Variants in SHANK2 observed in about 807,000 individuals in gnomAD.
SHANK2 encodes the protein SH3 and multiple ankyrin repeat domains 2, also known as SH3 and multiple ankyrin repeat domains protein 2.
SHANK2 carries 43 observed loss-of-function variants against 133.7 expected under a neutral mutation model. The ratio of observed to expected loss-of-function variants is 0.32; its 90% CI spans 0.25 to 0.41. SHANK2 has a LOEUF of 0.41. Ranked by LOEUF, SHANK2 falls within the 10% of genes least tolerant of loss-of-function variation. The probability of loss-of-function intolerance (pLI) is 1.00; values close to 1 mark genes in which losing one functional copy is unlikely to be tolerated. For missense variants in SHANK2, 1,994 were observed against 2,235.8 expected (o/e 0.89, Z 2.18); for synonymous variants, 1,017 against 952.8 (o/e 1.07, Z -1.24).
At chr11:70,587,175 C>T (rs542147842) in intron 17 of SHANK2, among the ~76,000 whole-genome samples, 91 of 152,316 alleles carry the variant, frequency 6.0e-4, no homozygotes, top group African/African-American at 1.3e-3. Flanking sequence ...CAGAGTTCCA[C>T]GGCGAGCTGG....
intron 14 of SHANK2, among the ~76,000 whole-genome samples, chr11:70,744,002 A>T (rs1195903383): frequency 6.6e-6 from 1 of 151,940 alleles, no homozygotes; most frequent in African/African-American, 2.4e-5. Flanking sequence ...CCTCAGCCCC[A>T]CACCTGGCCT....
intron 17 of SHANK2, among the ~76,000 whole-genome samples, chr11:70,654,779 T>G (rs186007297): frequency 0.012 from 1,814 of 151,684 alleles, 23 homozygotes; most frequent in African/African-American, 0.026. Context: ...TTTGTTTTTT[T>G]TTTTTTGAGA....
chr11:70,837,024 C>T (rs549116682), intron 11 of SHANK2, among the ~76,000 whole-genome samples: 17 of 152,274 alleles, frequency 1.1e-4, no homozygotes, highest in Middle Eastern at 3.4e-3. Flanking sequence ...AGAAGGCTGC[C>T]GTCTGCAAGC....
chr11:70,770,258 G>A (rs1214363215), intron 14 of SHANK2, among the ~76,000 whole-genome samples: 1 of 152,224 alleles, frequency 6.6e-6, no homozygotes, highest in African/African-American at 2.4e-5. Context: ...GTCCTCCTGG[G>A]AATCAGCACC....
At chr11:70,630,904 G>A (rs1378985918) in intron 17 of SHANK2, among the ~76,000 whole-genome samples, 8 of 152,214 alleles carry the variant, frequency 5.3e-5, no homozygotes, top group African/African-American at 1.9e-4. Flanking sequence ...GCATGTAGGA[G>A]GCCAGTGTGG....
intron 2 of SHANK2, among the ~76,000 whole-genome samples, chr11:71,153,917 C>T (rs1952851025): frequency 6.6e-6 from 1 of 152,144 alleles, no homozygotes; most frequent in Non-Finnish European, 1.5e-5. Context: ...TTGTAGTGAG[C>T]CGAGATCGTA....
intron 14 of SHANK2, among the ~76,000 whole-genome samples, chr11:70,721,351 C>T (rs1946072351): frequency 6.6e-6 from 1 of 152,240 alleles, no homozygotes; most frequent in South Asian, 2.1e-4. Flanking sequence ...TCTCAATGAA[C>T]TCTTGCCCAT....
intron 17 of SHANK2, among the ~76,000 whole-genome samples, chr11:70,505,824 G>C (rs782146764): frequency 5.9e-5 from 9 of 151,982 alleles, no homozygotes; most frequent in Non-Finnish European, 1.3e-4. Context: ...AGGGGCTGGG[G>C]ATGTGGCCTC....
At chr11:70,756,083 C>A (rs910015343) in intron 14 of SHANK2, among the ~76,000 whole-genome samples, 1 of 152,086 alleles carries the variant, frequency 6.6e-6, no homozygotes, top group Non-Finnish European at 1.5e-5. Flanking sequence ...CCTCACTGGC[C>A]GCAGCGGGTT....
intron 1 of SHANK2, among the ~76,000 whole-genome samples, chr11:71,248,931 T>C (rs1591051822): frequency 6.6e-6 from 1 of 152,188 alleles, no homozygotes; most frequent in African/African-American, 2.4e-5. Context: ...CTCCCCATTA[T>C]CCTAGAAGCT....
chr11:71,211,462 A>G (rs541447394), intron 2 of SHANK2, among the ~76,000 whole-genome samples: 2 of 151,994 alleles, frequency 1.3e-5, no homozygotes, highest in East Asian at 3.9e-4. Flanking sequence ...CACTTCAGCT[A>G]GGGAGGTCAA....
At chr11:71,125,667 C>T (rs137912873) in intron 3 of SHANK2, among the ~76,000 whole-genome samples, 3,565 of 152,288 alleles carry the variant, frequency 0.023, 50 homozygotes, top group African/African-American at 0.043. Flanking sequence ...GAAGCTGCAG[C>T]AAGTTCTCCA....
At chr11:71,161,189 A>G (rs1555109863) in intron 2 of SHANK2, among the ~76,000 whole-genome samples, 1 of 152,248 alleles carries the variant, frequency 6.6e-6, no homozygotes, top group Non-Finnish European at 1.5e-5. Flanking sequence ...TTAAAACAAG[A>G]GATCTCAAGA....
At chr11:71,194,026 G>A (rs1953848128) in intron 2 of SHANK2, among the ~76,000 whole-genome samples, 1 of 152,212 alleles carries the variant, frequency 6.6e-6, no homozygotes, top group African/African-American at 2.4e-5. Flanking sequence ...GCCCACAGCA[G>A]TGCTGCTGGC....
At chr11:70,902,783 A>C (rs2135690381) in intron 10 of SHANK2, among the ~76,000 whole-genome samples, 1 of 152,286 alleles carries the variant, frequency 6.6e-6, no homozygotes, top group Admixed American at 6.5e-5. Context: ...CCCCTGCAAG[A>C]GTTGGCACTG....
chr11:70,703,925 G>C (rs1363649775), intron 14 of SHANK2, among the ~76,000 whole-genome samples: 1 of 152,232 alleles, frequency 6.6e-6, no homozygotes, highest in East Asian at 1.9e-4. Context: ...GCCCAGCCCT[G>C]GGCTCCTGCA....
At chr11:70,603,548 C>A (rs2060528738) in intron 17 of SHANK2, 1 of 152,282 alleles carries the variant, frequency 6.6e-6, no homozygotes, top group Non-Finnish European at 1.5e-5. Flanking sequence ...GCAGGTGAGC[C>A]ACTAATAATG....
chr11:70,760,846 C>T (rs183689635), intron 14 of SHANK2, among the ~76,000 whole-genome samples: 3 of 152,240 alleles, frequency 2.0e-5, no homozygotes, highest in East Asian at 1.9e-4. Flanking sequence ...GGAAGGCTCC[C>T]GGGAGGAGTG....
rs147462504 is a variant in SHANK2, at chr11:70,923,942, G to A, written c.1108-27375C>T. ...CATCCAGCCTATAAGAATGCAGACC[G>A]GTGAACCACTGCCCAGTGATGGCTC... On this transcript the variant is annotated intron_variant, in intron 10 of 25. Coordinates refer to ENST00000601538, the MANE Select transcript of SHANK2 (RefSeq NM_012309.5). Among the ~76,000 whole-genome samples the A allele has an allele frequency of 8.5e-4, 130 of 152,274 alleles. 1 individual carries two copies. Among genetic ancestry groups the A allele is most frequent in the African/African-American group, 2.9e-3 (122 of 41,560 alleles).
Sources: gnomAD v4.1 joint callset for allele counts (sites outside exome capture counted in the v4.1 genomes callset) on GRCh38, gnomAD v4.1.1 for gene constraint, MANE v1.5 for transcripts, NCBI Gene and HGNC (gene_info 2026-07-23, HGNC 2026-07-21) for gene names.